Variants in KHDRBS3 observed in about 807,000 individuals in gnomAD.
KHDRBS3 encodes KH domain-containing, RNA-binding, signal transduction-associated protein 3.
KHDRBS3 carries 23 observed loss-of-function variants against 45.6 expected under a neutral mutation model. The observed-to-expected ratio is 0.50, with a 90% confidence interval of 0.36 to 0.72. The LOEUF (loss-of-function observed/expected upper bound fraction) is 0.72, where lower values mean the gene tolerates loss of function less well. Ranked by LOEUF, KHDRBS3 falls within the 30% of genes least tolerant of loss-of-function variation. The pLI, the probability that KHDRBS3 is intolerant of heterozygous loss-of-function variation, is 0.00. For missense variants in KHDRBS3, 352 were observed against 424.8 expected (o/e 0.83, Z 1.51); for synonymous variants, 162 against 156.5 (o/e 1.04, Z -0.26).
intron 6 of KHDRBS3, among the ~76,000 whole-genome samples, chr8:135,605,756 A>G (rs1004255651): frequency 6.6e-6 from 1 of 152,182 alleles, no homozygotes; most frequent in African/African-American, 2.4e-5. Flanking sequence ...CACAATTCAA[A>G]TATGTGTTGT....
intron 2 of KHDRBS3, among the ~76,000 whole-genome samples, chr8:135,536,249 T>A (rs1342297617): frequency 3.5e-5 from 4 of 113,106 alleles, no homozygotes; most frequent in African/African-American, 2.4e-4. Flanking sequence ...TTTTTTTTTT[T>A]TTTTTTTTTT....
intron 1 of KHDRBS3, among the ~76,000 whole-genome samples, chr8:135,469,397 GCCT>G (rs1821866088): frequency 1.3e-5 from 2 of 151,746 alleles, no homozygotes; most frequent in Admixed American, 6.6e-5. Context: ...CCATTCTCCT[GCCT>G]CCTCAGCCTC....
chr8:135,535,650 T>C (rs1348451200), intron 2 of KHDRBS3, among the ~76,000 whole-genome samples: 1 of 152,174 alleles, frequency 6.6e-6, no homozygotes, highest in Non-Finnish European at 1.5e-5. Flanking sequence ...TTTTATCCTA[T>C]GGGTCACTTA....
At chr8:135,515,092 C>T (rs368168926) in intron 1 of KHDRBS3, among the ~76,000 whole-genome samples, 1 of 151,784 alleles carries the variant, frequency 6.6e-6, no homozygotes, top group African/African-American at 2.4e-5. Context: ...TGGGGCTGGG[C>T]GCGGTGGCTC....
At chr8:135,621,115 C>T (rs1229566187) in intron 7 of KHDRBS3, among the ~76,000 whole-genome samples, 2 of 141,954 alleles carry the variant, frequency 1.4e-5, no homozygotes, top group African/African-American at 5.3e-5. Context: ...GGAAGAATCA[C>T]CTATGCAGCC....
chr8:135,625,638 A>T, intron 7 of KHDRBS3: 2 of 865,764 alleles, frequency 2.3e-6, no homozygotes, highest in Non-Finnish European at 4.0e-6. Flanking sequence ...ATTTGCATCA[A>T]AAAACTTCTT....
At chr8:135,582,577 G>A (rs951330682) in intron 6 of KHDRBS3, among the ~76,000 whole-genome samples, 1 of 152,128 alleles carries the variant, frequency 6.6e-6, no homozygotes, top group African/African-American at 2.4e-5. Context: ...ATCATTCAGC[G>A]ATTCTTTGAT....
chr8:135,569,583 A>G (rs1827598614), intron 5 of KHDRBS3, among the ~76,000 whole-genome samples: 1 of 152,216 alleles, frequency 6.6e-6, no homozygotes, highest in Non-Finnish European at 1.5e-5. Context: ...CAGGAAAGTT[A>G]TACTTTCCTT....
At chr8:135,599,127 G>A (rs1829096175) in intron 6 of KHDRBS3, among the ~76,000 whole-genome samples, 1 of 152,158 alleles carries the variant, frequency 6.6e-6, no homozygotes, top group African/African-American at 2.4e-5. Flanking sequence ...AGTTTTATAG[G>A]TCGGGAATGA....
chr8:135,477,368 C>T (rs1365685797), intron 1 of KHDRBS3, among the ~76,000 whole-genome samples: 2 of 152,026 alleles, frequency 1.3e-5, no homozygotes, highest in Admixed American at 6.6e-5. Flanking sequence ...TTTTTGCTTC[C>T]GTTCTGCATA....
chr8:135,571,012 T>C (rs1022683422), intron 5 of KHDRBS3, among the ~76,000 whole-genome samples: 4 of 152,208 alleles, frequency 2.6e-5, no homozygotes, highest in South Asian at 2.1e-4. Context: ...AGGCAAATAG[T>C]GTTACAAATT....
At chr8:135,591,164 A>G (rs992749783) in intron 6 of KHDRBS3, among the ~76,000 whole-genome samples, 7 of 152,264 alleles carry the variant, frequency 4.6e-5, no homozygotes, top group African/African-American at 1.4e-4. Flanking sequence ...CTATTAGGGT[A>G]GAGCTAGAAT....
intron 1 of KHDRBS3, among the ~76,000 whole-genome samples, chr8:135,485,149 T>TATC (rs1314294256): frequency 2.6e-5 from 4 of 152,194 alleles, no homozygotes; most frequent in Non-Finnish European, 1.5e-5. Flanking sequence ...ATGATCCATT[T>TATC]ATCATGTCTG....
intron 1 of KHDRBS3, among the ~76,000 whole-genome samples, chr8:135,472,882 G>A (rs1458969055): frequency 6.6e-6 from 1 of 152,158 alleles, no homozygotes; most frequent in African/African-American, 2.4e-5. Context: ...AAAAGGGAAA[G>A]GACAGGGGAG....
downstream of KHDRBS3, among the ~76,000 whole-genome samples, chr8:135,651,847 C>T (rs538001710): frequency 9.6e-4 from 146 of 152,250 alleles, no homozygotes; most frequent in Admixed American, 3.6e-3. Context: ...GTGTTAGGAA[C>T]GGTTAGCCCA....
intron 1 of KHDRBS3, among the ~76,000 whole-genome samples, chr8:135,497,811 A>G (rs533296522): frequency 6.6e-6 from 1 of 152,184 alleles, no homozygotes; most frequent in African/African-American, 2.4e-5. Flanking sequence ...AGTGTTAACC[A>G]AGTGAGTAAG....
chr8:135,550,863 T>C (rs894714822), intron 4 of KHDRBS3, among the ~76,000 whole-genome samples: 6 of 152,202 alleles, frequency 3.9e-5, no homozygotes, highest in Admixed American at 1.3e-4. Flanking sequence ...GAACATGAAA[T>C]GTTTCTTCAC....
intron 6 of KHDRBS3, among the ~76,000 whole-genome samples, chr8:135,599,934 C>T (rs1476925545): frequency 6.6e-6 from 1 of 151,566 alleles, no homozygotes; most frequent in African/African-American, 2.4e-5. Context: ...ACCTCCCTCA[C>T]AGCACCAGGC....
chr8:135,543,940 T>C (rs895678177), intron 3 of KHDRBS3, among the ~76,000 whole-genome samples: 11 of 152,166 alleles, frequency 7.2e-5, no homozygotes, highest in African/African-American at 2.4e-4. Flanking sequence ...TCAGTAGGTG[T>C]TTGAAATGAT....
Sources: allele counts gnomAD v4.1 joint callset (sites outside exome capture counted in the v4.1 genomes callset), GRCh38; gene constraint gnomAD v4.1.1; transcripts MANE v1.5; gene names NCBI Gene and HGNC (gene_info 2026-07-23, HGNC 2026-07-21).